Variants in DMBT1 observed in about 807,000 individuals in gnomAD.
The protein encoded by DMBT1 is scavenger receptor cysteine-rich domain-containing protein DMBT1.
A neutral mutation model predicts 252.9 loss-of-function variants in DMBT1; 198 were observed. That is an observed-to-expected ratio of 0.78 (90% CI 0.70 to 0.88). DMBT1 has a LOEUF of 0.88. DMBT1 is among the 40% of genes least tolerant of loss of function. The probability of loss-of-function intolerance (pLI) is 0.00; values close to 1 mark genes in which losing one functional copy is unlikely to be tolerated. For missense variants in DMBT1, 2,432 were observed against 2,404.7 expected, an observed-to-expected ratio of 1.01 and a Z score of -0.24; for synonymous variants, 990 against 942.7, an observed-to-expected ratio of 1.05 and a Z score of -0.92.
At chr10:122,633,037 G>A (rs868683229) in intron 51 of DMBT1, 147 bp downstream of exon 51, 23 of 1,495,070 alleles carry the variant, frequency 1.5e-5, no homozygotes, top group African/African-American at 5.6e-5. Context: ...CTCAGTGGAC[G>A]GTCCAGATCT....
intron 16 of DMBT1, 59 bp downstream of exon 16, chr10:122,586,442 T>C: frequency 6.4e-7 from 1 of 1,573,770 alleles, no homozygotes; most frequent in Admixed American, 1.7e-5. Context: ...AGGAAGGTTT[T>C]ATTATGTTCT....
At chr10:122,579,142 A>T (rs2097741381) in intron 9 of DMBT1, among the ~76,000 whole-genome samples, 1 of 151,962 alleles carries the variant, frequency 6.6e-6, no homozygotes. Flanking sequence ...GTCAGAAAAG[A>T]TCCTTATCTA....
chr10:122,578,880 G>T (rs558552416), intron 9 of DMBT1, 121 bp downstream of exon 9: 128 of 950,842 alleles, frequency 1.3e-4, no homozygotes, highest in Non-Finnish European at 1.9e-4. Flanking sequence ...GCGTGGGAGG[G>T]TGGCAGCAGG....
At chr10:122,631,416 A>G (rs1591554448) in intron 49 of DMBT1, 135 bp downstream of exon 49, 2 of 1,124,462 alleles carry the variant, frequency 1.8e-6, no homozygotes, top group Non-Finnish European at 2.5e-6. Context: ...CGCACTCCAG[A>G]AGAGCATGCA....
intron 5 of DMBT1, among the ~76,000 whole-genome samples, chr10:122,573,439 G>A (rs924228363): frequency 1.7e-4 from 26 of 152,348 alleles, no homozygotes; most frequent in African/African-American, 5.8e-4. Context: ...ACTAGCATGG[G>A]GTTGTGAATG....
intron 24 of DMBT1, 96 bp from the exon 25 acceptor site, chr10:122,597,878 T>C: frequency 6.4e-7 from 1 of 1,572,506 alleles, no homozygotes; most frequent in Non-Finnish European, 8.7e-7. Flanking sequence ...AGAAGTGGGG[T>C]AGTTTTCATG....
At chr10:122,591,692 G>A (rs1039855234) in intron 19 of DMBT1, among the ~76,000 whole-genome samples, 175 bp downstream of exon 19, 1 of 148,528 alleles carries the variant, frequency 6.7e-6, no homozygotes, top group African/African-American at 2.4e-5. Flanking sequence ...GTGTTAGAGG[G>A]TGGAGGGTGT....
At chr10:122,585,443 G>T in intron 15 of DMBT1, 134 bp downstream of exon 15, 1 of 1,216,526 alleles carries the variant, frequency 8.2e-7, no homozygotes, top group Non-Finnish European at 1.2e-6. Flanking sequence ...TGGGAGGAAG[G>T]TAGAGTCTCT....
In DMBT1 at chr10:122,620,274, T is replaced by A; in HGVS notation, c.5267T>A (p.Leu1756Ter). The change falls in exon 43 of 56, where the codon TTA (leucine) becomes TAA (stop). Residue 1756 changes from leucine to a stop codon, truncating the protein, a stop_gained. Coordinates refer to ENST00000338354, the MANE Select transcript of DMBT1 (RefSeq NM_001377530.1). LOFTEE classifies it high-confidence loss of function. ...PRPDTWLTTN[L>*]PALTVGSESS... The stretch of plus-strand genomic sequence containing the variant: ...ACAGATACTTGGCTGACCACCAACT[T>A]ACCGGCATTGACAGTAGGTAAATAA... The A allele has an allele frequency of 6.2e-7, 1 of 1,614,018 alleles. No homozygotes were observed. Among genetic ancestry groups the A allele is most frequent in the Non-Finnish European group, 8.5e-7 (1 of 1,179,900 alleles).
intron 28 of DMBT1, among the ~76,000 whole-genome samples, chr10:122,601,460 AG>A (rs1418089537): frequency 5.9e-5 from 4 of 68,050 alleles, no homozygotes; most frequent in African/African-American, 2.6e-4. Context: ...CTGAATTCGG[AG>A]GGGGTCTGGG....
At chr10:122,584,989 C>T (rs1034111252) in intron 14 of DMBT1, among the ~76,000 whole-genome samples, 30 of 149,016 alleles carry the variant, frequency 2.0e-4, no homozygotes, top group African/African-American at 6.8e-4. Context: ...TAGATGTACC[C>T]GTCAGTGCAT....
chr10:122,636,064 CGA>C lies in DMBT1; in HGVS notation c.6624_6625del (p.Val2209LeufsTer2). 1 of 1,613,956 alleles carries C rather than the reference CGA, an allele frequency of 6.2e-7. No individual in the cohort carries two copies. The highest frequency in any genetic ancestry group is 8.5e-7 in the Non-Finnish European group (1 of 1,179,892). ...GPYRSSPLIA[R>X]VCDGARGSFT... ...CTACCGCAGTTCCCCTCTCATTGCT[CGA>C]GTTTGTGATGGGGCCAGAGGCTCCT... On this transcript the variant is annotated frameshift_variant, in exon 53 of 56. Transcript: ENST00000338354. LOFTEE classifies it high-confidence loss of function.
At chr10:122,591,455 C>T (rs529192353) in intron 18 of DMBT1, 24 bp from the exon 19 acceptor site, 2 of 1,583,050 alleles carry the variant, frequency 1.3e-6, no homozygotes, top group African/African-American at 1.3e-5. Context: ...TAATTCTAGC[C>T]TTTGTCTTTG....
intron 47 of DMBT1, 131 bp downstream of exon 47, chr10:122,630,124 C>G (rs1005200288): frequency 2.8e-5 from 40 of 1,415,536 alleles, no homozygotes; most frequent in Non-Finnish European, 3.5e-5. Context: ...GCTTTGATTC[C>G]TACCATAAAG....
intron 46 of DMBT1, among the ~76,000 whole-genome samples, chr10:122,628,216 T>G (rs999697148): frequency 6.6e-6 from 1 of 152,216 alleles, no homozygotes; most frequent in Non-Finnish European, 1.5e-5. Flanking sequence ...GAAACTTGTA[T>G]GTGAATGTTC....
intron 44 of DMBT1, among the ~76,000 whole-genome samples, chr10:122,624,844 T>A (rs2098104638): frequency 6.6e-6 from 1 of 152,178 alleles, no homozygotes; most frequent in East Asian, 1.9e-4. Context: ...TGTCATCTGT[T>A]CAGATGGGCC....
chr10:122,628,560 C>T (rs1002999352), intron 46 of DMBT1, among the ~76,000 whole-genome samples: 23 of 152,092 alleles, frequency 1.5e-4, no homozygotes, highest in Non-Finnish European at 2.6e-4. Context: ...CGCTTGAACC[C>T]GGGAAGCGGA....
chr10:122,618,967 T>A (rs983963395), intron 41 of DMBT1, among the ~76,000 whole-genome samples: 1 of 152,226 alleles, frequency 6.6e-6, no homozygotes, highest in African/African-American at 2.4e-5. Context: ...TGGTCGGGGC[T>A]GTAAGATCAC....
chr10:122,599,582 C>T (rs1470281222), intron 26 of DMBT1, among the ~76,000 whole-genome samples: 1 of 152,162 alleles, frequency 6.6e-6, no homozygotes, highest in African/African-American at 2.4e-5. Context: ...TTCTATCACG[C>T]CTGGGTTGTG....
Sources: allele counts gnomAD v4.1 joint callset (sites outside exome capture counted in the v4.1 genomes callset), GRCh38; gene constraint gnomAD v4.1.1; transcripts MANE v1.5; gene names NCBI Gene and HGNC (gene_info 2026-07-23, HGNC 2026-07-21).